Variants in PYHIN1 observed in about 807,000 individuals in gnomAD.
The protein encoded by PYHIN1 is pyrin and HIN domain-containing protein 1.
Under a neutral mutation model 43.7 loss-of-function variants are expected in PYHIN1, and 32 were observed. The ratio of observed to expected loss-of-function variants is 0.73; its 90% CI spans 0.55 to 0.98. PYHIN1 has a LOEUF of 0.98. PYHIN1 is among the 50% of genes least tolerant of loss of function. The probability of loss-of-function intolerance (pLI) is 0.00; values close to 1 mark genes in which losing one functional copy is unlikely to be tolerated. For synonymous variants in PYHIN1, 205 were observed against 203.1 expected, an observed-to-expected ratio of 1.01 and a Z score of -0.08; for missense variants, 588 against 589.5, an observed-to-expected ratio of 1.00 and a Z score of 0.03.
the PYHIN1 span, among the ~76,000 whole-genome samples, chr1:158,988,053 G>T: frequency 1.3e-5 from 2 of 152,182 alleles, no homozygotes; most frequent in African/African-American, 4.8e-5. Flanking sequence ...TACGGAGTAG[G>T]CACAGGACAG....
At chr1:158,963,264 G>T (rs1380084153) in intron 7 of PYHIN1, among the ~76,000 whole-genome samples, 2 of 152,082 alleles carry the variant, frequency 1.3e-5, no homozygotes, top group Non-Finnish European at 2.9e-5. Context: ...TCTCTCTTGT[G>T]ACCCACCCGT....
chr1:158,952,458 G>A (rs1205319556), intron 7 of PYHIN1, among the ~76,000 whole-genome samples: 1 of 151,940 alleles, frequency 6.6e-6, no homozygotes, highest in Non-Finnish European at 1.5e-5. Context: ...TTTTAATGCC[G>A]CTTAAGACAG....
At chr1:158,953,427 A>G (rs1158532122) in intron 7 of PYHIN1, among the ~76,000 whole-genome samples, 1 of 150,796 alleles carries the variant, frequency 6.6e-6, no homozygotes, top group Admixed American at 6.6e-5. Flanking sequence ...CTGCCTCCTC[A>G]AGGGGGTCCC....
rs1648780958 is a variant in PYHIN1, at chr1:158,939,520, A to G, written c.579+273A>G. 9 of 1,550,556 alleles carry G rather than the reference A, an allele frequency of 5.8e-6. No individual in the cohort carries two copies. The Middle Eastern group carries it at 6.7e-4, about 115-fold the overall frequency. On this transcript the variant is annotated intron_variant, in intron 4 of 8. Transcript: ENST00000368140. ...ACTTTCAGCAACAGACTCACTGTCT[A>G]CTGCCCCCATCTATTATACACCCAT...
Position 158,970,355 on chromosome 1 carries a change from G to A in PYHIN1, c.1360-3292G>A, listed in dbSNP as rs1378674002. On this transcript the variant is annotated intron_variant, in intron 7 of 8. Coordinates refer to ENST00000368140, the MANE Select transcript of PYHIN1 (RefSeq NM_152501.5). Reference sequence around the variant, plus strand: ...TTACATGGTTAAATTGCGCAGTGGTGAAGTTGGGACTTTTAGTGTATCCAT... The same window carrying A: ...TTACATGGTTAAATTGCGCAGTGGTAAAGTTGGGACTTTTAGTGTATCCAT... 3.9e-5 allele frequency among the ~76,000 whole-genome samples: 6 copies of A among 152,048 alleles called. No homozygotes were observed. In the South Asian group the frequency reaches 1.2e-3, roughly 32 times the overall value.
chr1:158,961,975 C>G (rs1650348995), intron 7 of PYHIN1, among the ~76,000 whole-genome samples: 1 of 151,974 alleles, frequency 6.6e-6, no homozygotes. Context: ...GCCTAGTACT[C>G]CAGCCACCCC....
At chr1:158,934,619 A>G (rs1293214377) in intron 1 of PYHIN1, among the ~76,000 whole-genome samples, 1 of 152,208 alleles carries the variant, frequency 6.6e-6, no homozygotes, top group African/African-American at 2.4e-5. Flanking sequence ...GAGGACACTC[A>G]TGTTCTCTCA....
chr1:158,984,508 G>C, the PYHIN1 span, among the ~76,000 whole-genome samples: 1 of 152,146 alleles, frequency 6.6e-6, no homozygotes, highest in Admixed American at 6.6e-5. Context: ...TGATCTGAGA[G>C]TGTGGTTGAT....
Position 158,937,220 on chromosome 1 carries a change from C to A in PYHIN1, c.265+45C>A, listed in dbSNP as rs1648615376. 2.0e-6 allele frequency: 3 copies of A among 1,512,468 alleles called. No individual in the cohort carries two copies. The East Asian group carries it at 6.9e-5, about 35-fold the overall frequency. The allele number at this position is 1,512,468 out of a possible 1,614,324, so 93.7% of individuals were successfully genotyped here. On this transcript the variant is annotated intron_variant, in intron 2 of 8. Coordinates refer to ENST00000368140, the MANE Select transcript of PYHIN1 (RefSeq NM_152501.5). ...ACCCACTCCCTGCAATGATCCCCAC[C>A]CTTCCCAACCTTGATTAGAACGCCA...
At chr1:158,957,513 C>T (rs1158363809) in intron 7 of PYHIN1, among the ~76,000 whole-genome samples, 11 of 151,236 alleles carry the variant, frequency 7.3e-5, no homozygotes, top group African/African-American at 2.7e-4. Context: ...GAAAGGAATC[C>T]CTATTTAATA....
intron 8 of PYHIN1, 62 bp from the exon 9 acceptor site, chr1:158,976,639 A>G (rs1651274307): frequency 6.1e-6 from 8 of 1,314,392 alleles, no homozygotes; most frequent in Middle Eastern, 1.9e-4. Flanking sequence ...GTGTGATTGA[A>G]GAAAGAAATG....
chr1:158,973,632 A>C lies in PYHIN1; in HGVS notation c.1360-15A>C, dbSNP rs1019385360. On this transcript the variant is annotated splice_polypyrimidine_tract_variant and intron_variant, in intron 7 of 8. Transcript: ENST00000368140. ...ATAAAGTGAAAGACTAAATTACCCAAATTTATGACTCCAGAAGGATGAAAC... is the reference window on the plus strand; with the variant it reads ...ATAAAGTGAAAGACTAAATTACCCACATTTATGACTCCAGAAGGATGAAAC... The C allele has an allele frequency of 3.1e-6, 5 of 1,611,932 alleles. No homozygotes were observed. Among genetic ancestry groups the C allele is most frequent in the African/African-American group, 2.7e-5 (2 of 74,754 alleles).
intron 7 of PYHIN1, among the ~76,000 whole-genome samples, chr1:158,951,533 A>C (rs1032520896): frequency 6.6e-6 from 1 of 152,198 alleles, no homozygotes; most frequent in Non-Finnish European, 1.5e-5. Context: ...AGTGCTAGTA[A>C]ACCCAGATCG....
At chr1:158,983,265 T>C in the PYHIN1 span, among the ~76,000 whole-genome samples, 1 of 152,156 alleles carries the variant, frequency 6.6e-6, no homozygotes, top group Non-Finnish European at 1.5e-5. Context: ...ATTTGTGATA[T>C]GATGTTGGCT....
Position 158,976,915 on chromosome 1 carries a change from T to C in PYHIN1, c.*220T>C, listed in dbSNP as rs576004133. 4.2e-3 allele frequency: 907 copies of C among 214,910 alleles called. 28 individuals carry two copies. The highest frequency in any genetic ancestry group is 0.011 in the African/African-American group (399 of 35,414). The allele number at this position is 214,910 out of a possible 1,614,324, so 13.3% of individuals were successfully genotyped here. On this transcript the variant is annotated 3_prime_UTR_variant, in exon 9 of 9. Coordinates refer to ENST00000368140, the MANE Select transcript of PYHIN1 (RefSeq NM_152501.5). ...ATATATATATATATATATATATATATACCAGCTATTAATTCTAGGAAATGG... is the reference window on the plus strand; with the variant it reads ...ATATATATATATATATATATATATACACCAGCTATTAATTCTAGGAAATGG...
chr1:158,955,289 C>T (rs1201927556), intron 7 of PYHIN1, among the ~76,000 whole-genome samples: 27 of 152,056 alleles, frequency 1.8e-4, no homozygotes, highest in African/African-American at 6.5e-4. Flanking sequence ...CCCAAATCAA[C>T]AGAATATACA....
intron 7 of PYHIN1, among the ~76,000 whole-genome samples, chr1:158,959,401 G>C (rs1650190404): frequency 6.6e-6 from 1 of 152,146 alleles, no homozygotes; most frequent in Non-Finnish European, 1.5e-5. Context: ...ACCCTTTAGA[G>C]AGCAATTATG....
At chr1:158,973,156 C>T (rs1460426336) in intron 7 of PYHIN1, among the ~76,000 whole-genome samples, 2 of 152,072 alleles carry the variant, frequency 1.3e-5, no homozygotes, top group African/African-American at 2.4e-5. Context: ...CTGACCCAGC[C>T]TACAGCCTCA....
intron 7 of PYHIN1, among the ~76,000 whole-genome samples, chr1:158,953,525 C>T (rs1000590654): frequency 5.3e-5 from 8 of 150,878 alleles, no homozygotes; most frequent in Non-Finnish European, 3.0e-5. Flanking sequence ...CTCCAACAGA[C>T]CTGCAGCTGA....
Sources: gnomAD v4.1 joint callset for allele counts (sites outside exome capture counted in the v4.1 genomes callset) on GRCh38, gnomAD v4.1.1 for gene constraint, MANE v1.5 for transcripts, NCBI Gene and HGNC (gene_info 2026-07-23, HGNC 2026-07-21) for gene names.